PCNX2: variants seen among roughly 807,000 people sequenced by gnomAD.
The protein encoded by PCNX2 is pecanex-like protein 2.
In PCNX2, 168 loss-of-function variants were observed where a neutral mutation model predicts 223.8. The ratio of observed to expected loss-of-function variants is 0.75; its 90% CI spans 0.66 to 0.85. PCNX2 has a LOEUF of 0.85. PCNX2 is among the 40% of genes least tolerant of loss of function. The pLI is 0.00. For missense variants in PCNX2, 2,507 were observed against 2,675.5 expected, an observed-to-expected ratio of 0.94 and a Z score of 1.39; for synonymous variants, 1,006 against 1,052.6, an observed-to-expected ratio of 0.96 and a Z score of 0.86.
At chr1:233,213,816 C>CTTTTT (rs71173256) in intron 12 of PCNX2, among the ~76,000 whole-genome samples, 6 of 65,226 alleles carry the variant, frequency 9.2e-5, no homozygotes, top group Admixed American at 2.0e-4. Flanking sequence ...CCAGTGCACT[C>CTTTTT]TTTTTTTTTT....
At chr1:233,192,867 C>T (rs1319585288) in intron 15 of PCNX2, among the ~76,000 whole-genome samples, 2 of 150,766 alleles carry the variant, frequency 1.3e-5, no homozygotes, top group African/African-American at 2.4e-5. Context: ...TAGAGATCTG[C>T]TGTATAACAT....
chr1:233,227,690 A>T (rs570028901), intron 9 of PCNX2, among the ~76,000 whole-genome samples: 1 of 152,322 alleles, frequency 6.6e-6, no homozygotes, highest in South Asian at 2.1e-4. Context: ...ACTGCTATAA[A>T]AATAGTTCTT....
Position 232,986,328 on chromosome 1 carries a change from T to A in PCNX2, c.6004A>T (p.Thr2002Ser), listed in dbSNP as rs367554445. ...TSLHSQPPPV[T>S]TTGHLSVRER... Reference sequence around the variant, plus strand: ...CGGACACTCAGGTGGCCGGTGGTGGTGACGGGCGGGGGCTGAGAGTGCAGG... The same window carrying A: ...CGGACACTCAGGTGGCCGGTGGTGGAGACGGGCGGGGGCTGAGAGTGCAGG... Residue 2002 changes from threonine to serine, a missense_variant, in exon 33 of 34, where the codon ACC becomes TCC. Around this residue, in one of 3 missense-constraint regions of PCNX2, gnomAD observed 1,372 missense variants for 1,509.4 expected, o/e 0.91. Coordinates refer to ENST00000258229, the MANE Select transcript of PCNX2 (RefSeq NM_014801.4). 8 of 1,590,796 alleles carry A rather than the reference T, an allele frequency of 5.0e-6. No homozygotes were observed. The highest frequency in any genetic ancestry group is 1.3e-5 in the African/African-American group (1 of 74,522).
chr1:233,215,164 A>G (rs1483297830), intron 12 of PCNX2, among the ~76,000 whole-genome samples: 1 of 152,194 alleles, frequency 6.6e-6, no homozygotes, highest in Non-Finnish European at 1.5e-5. Flanking sequence ...GATCCTGACC[A>G]TCTCCTTTCT....
chr1:232,997,736 C>G (rs1251326776), intron 32 of PCNX2, among the ~76,000 whole-genome samples: 1 of 152,180 alleles, frequency 6.6e-6, no homozygotes, highest in Non-Finnish European at 1.5e-5. Context: ...TTGGTTGCAG[C>G]CACCTCCTAG....
intron 9 of PCNX2, among the ~76,000 whole-genome samples, chr1:233,229,814 T>C (rs1657954247): frequency 6.6e-6 from 1 of 151,642 alleles, no homozygotes; most frequent in African/African-American, 2.4e-5. Flanking sequence ...AAAAAAAACC[T>C]CCTCAAAAAT....
chr1:233,301,193 A>G, the PCNX2 span, among the ~76,000 whole-genome samples: 1 of 152,236 alleles, frequency 6.6e-6, no homozygotes, highest in Non-Finnish European at 1.5e-5. Flanking sequence ...TAAGTACTCT[A>G]AAAGAATGGC....
At chr1:233,285,123 T>C (rs1047447064) in intron 1 of PCNX2, 1 of 533,634 alleles carries the variant, frequency 1.9e-6, no homozygotes, top group Non-Finnish European at 2.4e-6. Flanking sequence ...GAGGCCAAAG[T>C]GAGAGGATTG....
At chr1:233,322,660 G>A in the PCNX2 span, among the ~76,000 whole-genome samples, 1 of 152,146 alleles carries the variant, frequency 6.6e-6, no homozygotes. Context: ...GGAACGTGAT[G>A]AGATTTGTTT....
In PCNX2 at chr1:233,295,264, G is replaced by A. The variant is rs1373844856; in HGVS notation, c.153+62C>T. On this transcript the variant is annotated intron_variant, in intron 1 of 33. Coordinates refer to ENST00000258229, the MANE Select transcript of PCNX2 (RefSeq NM_014801.4). This position sits in a 1 kb window ranked among gnomAD's most constrained non-coding sequence, Gnocchi z 4.1. ...CCGTGAGGCTGATGGCACGTCTGTG[G>A]TTCCTTTCTCCTTCTTCCCTCCATA... is the stretch of plus-strand genomic sequence containing the variant. The A allele has an allele frequency of 6.4e-7, 1 of 1,550,772 alleles. No individual in the cohort carries two copies. Among genetic ancestry groups the A allele is most frequent in the African/African-American group, 1.4e-5 (1 of 72,938 alleles).
chr1:233,198,610 G>T (rs2102890895), intron 15 of PCNX2, among the ~76,000 whole-genome samples: 1 of 152,246 alleles, frequency 6.6e-6, no homozygotes, highest in East Asian at 1.9e-4. Flanking sequence ...CTTTTGAGTG[G>T]TATTTCAGGA....
At chr1:232,999,847 A>G (rs1210151024) in intron 30 of PCNX2, among the ~76,000 whole-genome samples, 1 of 152,246 alleles carries the variant, frequency 6.6e-6, no homozygotes, top group Non-Finnish European at 1.5e-5. Flanking sequence ...TGCCATCTTC[A>G]TGGGGAAACT....
At position 233,175,460 on chromosome 1, in the gene PCNX2, T is replaced by G. The variant is rs555713868; in HGVS notation, c.3273+2342A>C. Among the ~76,000 whole-genome samples, 33 of 152,340 alleles carry G rather than the reference T, an allele frequency of 2.2e-4. No individual in the cohort carries two copies. The South Asian group carries it at 6.4e-3, about 30-fold the overall frequency. On this transcript the variant is annotated intron_variant, in intron 17 of 33. Coordinates refer to ENST00000258229, the MANE Select transcript of PCNX2 (RefSeq NM_014801.4). ...AAATTTCCTTGTAATTCCTACCTTT[T>G]TTTTAACTGCAATAAATCAGAAAGT...
Position 233,295,388 on chromosome 1 carries a change from T to C in PCNX2, c.91A>G (p.Thr31Ala), listed in dbSNP as rs1662021886. 1 of 1,558,114 alleles carries C rather than the reference T, an allele frequency of 6.4e-7. No homozygotes were observed. The highest frequency in any genetic ancestry group is 8.7e-7 in the Non-Finnish European group (1 of 1,150,710). ...WYHDPEQSKF[T>A]NSCHLYLWLF... The stretch of plus-strand genomic sequence containing the variant: ...CACAGGTAGAGGTGGCAGCTGTTGG[T>C]GAACTTGCTCTGCTCCGGGTCGTGG... Residue 31 changes from threonine to alanine, a missense_variant, in exon 1 of 34, where the codon ACC becomes GCC. Coordinates refer to ENST00000258229, the MANE Select transcript of PCNX2 (RefSeq NM_014801.4). This position sits in a 1 kb window ranked among gnomAD's most constrained non-coding sequence, Gnocchi z 4.1.
In PCNX2 at chr1:233,208,574, T is replaced by C; in HGVS notation, c.2807A>G (p.Tyr936Cys). The change falls in exon 13 of 34, where the codon TAT becomes TGT. Residue 936 changes from tyrosine (Y) to cysteine (C), a missense_variant. Physicochemically the swap from Tyr to Cys is radical, Grantham distance 194. Around this residue, in one of 3 missense-constraint regions of PCNX2, gnomAD observed 104 missense variants for 144.4 expected, o/e 0.72. Transcript: ENST00000258229. ...CACTGGAGAGAAGAGCTTCAGGCCA[T>C]ACACAACGTAACTGGGAGGGTGCCT... ...KARHPPSYVV[Y>C]GLKLFSPVFL... 2 of 1,613,740 alleles carry C rather than the reference T, an allele frequency of 1.2e-6. No homozygotes were observed. The highest frequency in any genetic ancestry group is 1.7e-6 in the Non-Finnish European group (2 of 1,179,834).
intron 9 of PCNX2, 104 bp from the exon 10 acceptor site, chr1:233,227,475 C>T (rs1212113456): frequency 3.0e-6 from 3 of 1,001,080 alleles, no homozygotes; most frequent in Non-Finnish European, 4.0e-6. Context: ...TATATATGTA[C>T]ACCATAATTT....
chr1:233,118,688 G>T (rs927720717), intron 21 of PCNX2, among the ~76,000 whole-genome samples: 1 of 151,864 alleles, frequency 6.6e-6, no homozygotes, highest in Admixed American at 6.6e-5. Flanking sequence ...TAAGCTAAAA[G>T]TTAAAAAAAC....
the PCNX2 span, among the ~76,000 whole-genome samples, chr1:233,303,378 G>C: frequency 1.3e-5 from 2 of 152,058 alleles, no homozygotes; most frequent in Admixed American, 6.6e-5. Context: ...TGCTGGGTGT[G>C]GTGGTGTGTG....
At chr1:233,022,218 G>A (rs1299165815) in intron 26 of PCNX2, among the ~76,000 whole-genome samples, 1 of 152,142 alleles carries the variant, frequency 6.6e-6, no homozygotes, top group Non-Finnish European at 1.5e-5. Flanking sequence ...GATCTCTTCT[G>A]TCCAGACTGT....
Sources: allele counts gnomAD v4.1 joint callset (sites outside exome capture counted in the v4.1 genomes callset), GRCh38; gene constraint gnomAD v4.1.1; regional missense constraint gnomAD v4.1.1; non-coding constraint Gnocchi (gnomAD v3.1); transcripts MANE v1.5; gene names NCBI Gene and HGNC (gene_info 2026-07-23, HGNC 2026-07-21).